Variants in TEX10 observed in about 807,000 individuals in gnomAD.
The protein encoded by TEX10 is testis-expressed protein 10.
TEX10 carries 24 observed loss-of-function variants against 104.4 expected under a neutral mutation model. That is an observed-to-expected ratio of 0.23 (90% confidence interval 0.17 to 0.32). The LOEUF (loss-of-function observed/expected upper bound fraction) is 0.32, where lower values mean the gene tolerates loss of function less well. Ranked by LOEUF, TEX10 falls within the 10% of genes least tolerant of loss-of-function variation. The pLI is 1.00. For synonymous variants in TEX10, 396 were observed against 393.4 expected (o/e 1.01, Z -0.08); for missense variants, 921 against 1,083.9 (o/e 0.85, Z 2.11).
At chr9:100,342,127 G>T (rs1291928816) in intron 4 of TEX10, among the ~76,000 whole-genome samples, 1 of 152,174 alleles carries the variant, frequency 6.6e-6, no homozygotes, top group African/African-American at 2.4e-5. Context: ...CAAAGCCATT[G>T]TACTTGCTGT....
intron 13 of TEX10, among the ~76,000 whole-genome samples, chr9:100,308,223 G>A (rs1834187484): frequency 1.7e-5 from 2 of 116,004 alleles, no homozygotes; most frequent in Admixed American, 9.8e-5. Context: ...TTATAGCAAT[G>A]TTAATAAAAG....
At chr9:100,303,441 C>A (rs34784581) in intron 14 of TEX10, among the ~76,000 whole-genome samples, 191 bp downstream of exon 14, 58,585 of 145,476 alleles carry the variant, frequency 0.4, 13,646 homozygotes, top group East Asian at 0.89. Flanking sequence ...CAGACACACC[C>A]CCCCCCCCAT....
intron 8 of TEX10, among the ~76,000 whole-genome samples, chr9:100,327,168 G>A (rs1834726981): frequency 6.6e-6 from 1 of 152,062 alleles, no homozygotes; most frequent in Admixed American, 6.6e-5. Flanking sequence ...TCCAGGGGCT[G>A]GGGGAAGAAA....
Position 100,330,024 on chromosome 9 carries a change from C to G in TEX10, c.1396G>C (p.Glu466Gln), listed in dbSNP as rs1462885915. Reference sequence around the variant, plus strand: ...AGCCTAGAGCCATCTTCAAGGGTCTCTGTTACAAATTTCCTTATCATTTCT... The same window carrying G: ...AGCCTAGAGCCATCTTCAAGGGTCTGTGTTACAAATTTCCTTATCATTTCT... Reference protein sequence around the residue: ...WIEMIRKFVTETLEDGSRLNS... With the variant: ...WIEMIRKFVTQTLEDGSRLNS... The change falls in exon 6 of 15, where the codon GAG (glutamate) becomes CAG (glutamine). Residue 466 changes from glutamate (E) to glutamine (Q), a missense_variant. Transcript: ENST00000374902. The G allele has an allele frequency of 3.1e-6, 5 of 1,614,128 alleles. No individual in the cohort carries two copies. Among genetic ancestry groups the G allele is most frequent in the Middle Eastern group, 1.6e-4 (1 of 6,062 alleles).
chr9:100,339,245 C>CAAAAA (rs1182764934), intron 5 of TEX10, among the ~76,000 whole-genome samples: 3 of 29,412 alleles, frequency 1.0e-4, no homozygotes, highest in African/African-American at 3.7e-4. Context: ...GACTCCATCT[C>CAAAAA]AAAAAAAAAA....
rs1343027310 is a variant in TEX10 at position 100,346,076 on chromosome 9, T to C, written c.1133A>G (p.Lys378Arg). Reference protein sequence around the residue: ...KLSKQQDETHKLESWLRKNYL... With the variant: ...KLSKQQDETHRLESWLRKNYL... Reference sequence around the variant, plus strand: ...TAAAGAACCATTAGTTCTCACCAATTTATGGGTTTCATCCTGTTGTTTAGA... The same window carrying C: ...TAAAGAACCATTAGTTCTCACCAATCTATGGGTTTCATCCTGTTGTTTAGA... Residue 378 changes from lysine (K) to arginine (R), a missense_variant, in exon 4 of 15, where the codon AAA (lysine) becomes AGA (arginine). Around this residue, in one of 3 missense-constraint regions of TEX10, gnomAD observed 753 missense variants for 868.4 expected, o/e 0.87. Coordinates refer to ENST00000374902, the MANE Select transcript of TEX10 (RefSeq NM_017746.4). 6 of 1,610,222 alleles carry C rather than the reference T, an allele frequency of 3.7e-6. No homozygotes were observed. In the Admixed American group the frequency reaches 1.0e-4, roughly 27 times the overall value.
intron 5 of TEX10, among the ~76,000 whole-genome samples, chr9:100,335,993 C>T (rs1012385046): frequency 2.0e-5 from 3 of 151,662 alleles, no homozygotes; most frequent in South Asian, 2.1e-4. Context: ...CATGGTGAAA[C>T]CCCGTCTCTA....
chr9:100,340,211 G>C (rs200405630), intron 5 of TEX10, 46 bp downstream of exon 5: 1 of 1,200,960 alleles, frequency 8.3e-7, no homozygotes, highest in East Asian at 2.8e-5. Context: ...ATAATTTCAG[G>C]TTAAACAGCT....
chr9:100,312,776 C>A (rs1834312037), intron 11 of TEX10, among the ~76,000 whole-genome samples: 1 of 152,102 alleles, frequency 6.6e-6, no homozygotes, highest in South Asian at 2.1e-4. Context: ...ACCATACAGA[C>A]CCTGAGAGAT....
At chr9:100,348,985 C>T (rs1288971009) in intron 2 of TEX10, among the ~76,000 whole-genome samples, 199 bp downstream of exon 2, 4 of 152,032 alleles carry the variant, frequency 2.6e-5, no homozygotes, top group Non-Finnish European at 1.5e-5. Context: ...TTTAGTTTAG[C>T]GAACGTTTCT....
At chr9:100,316,295 A>C (rs748334820) in intron 11 of TEX10, among the ~76,000 whole-genome samples, 36 of 152,200 alleles carry the variant, frequency 2.4e-4, no homozygotes, top group Non-Finnish European at 4.3e-4. Context: ...TTCAAAAGAC[A>C]CAAAAAATGC....
intron 11 of TEX10, among the ~76,000 whole-genome samples, chr9:100,312,500 T>G (rs1005204971): frequency 1.3e-5 from 2 of 152,208 alleles, no homozygotes; most frequent in African/African-American, 4.8e-5. Context: ...CTCTGTGGTG[T>G]TGAATGACTA....
At chr9:100,348,308 G>T (rs1167714999) in intron 2 of TEX10, among the ~76,000 whole-genome samples, 1 of 152,194 alleles carries the variant, frequency 6.6e-6, no homozygotes, top group Non-Finnish European at 1.5e-5. Context: ...TTTTCTTCTT[G>T]GAGTGATAAA....
chr9:100,334,449 G>A lies in TEX10; in HGVS notation c.1251-4280C>T, dbSNP rs910688269. Among the ~76,000 whole-genome samples the A allele has an allele frequency of 2.6e-5, 4 of 152,038 alleles. No individual in the cohort carries two copies. The South Asian group carries it at 8.3e-4, about 32-fold the overall frequency. On this transcript the variant is annotated intron_variant, in intron 5 of 14. Transcript: ENST00000374902. The stretch of plus-strand genomic sequence containing the variant: ...TGCGAGAGAAATACATTTTTATGGG[G>A]GGAGAAAAAAACGAACTAAAGAAGA...
chr9:100,304,915 T>C (rs532934232), intron 13 of TEX10: 3 of 152,108 alleles, frequency 2.0e-5, no homozygotes, highest in South Asian at 2.1e-4. Flanking sequence ...TCAAAAGCAA[T>C]TGCAAAAACA....
chr9:100,313,859 A>T (rs1390451880), intron 11 of TEX10, among the ~76,000 whole-genome samples: 1 of 151,970 alleles, frequency 6.6e-6, no homozygotes, highest in Non-Finnish European at 1.5e-5. Flanking sequence ...AAAAAAAAAA[A>T]AAAGAGACAC....
At chr9:100,349,738 T>A (rs1835396150) in intron 1 of TEX10, among the ~76,000 whole-genome samples, 1 of 152,150 alleles carries the variant, frequency 6.6e-6, no homozygotes, top group Admixed American at 6.5e-5. Context: ...TCTGCTGGTG[T>A]GCTCCTGGGC....
rs1198849440 is a variant in TEX10, at chr9:100,320,414, A to G, written c.2069-16T>C. The G allele has an allele frequency of 6.4e-7, 1 of 1,574,062 alleles. No individual in the cohort carries two copies. The highest frequency in any genetic ancestry group is 8.6e-7 in the Non-Finnish European group (1 of 1,164,054). The stretch of plus-strand genomic sequence containing the variant: ...TTCGAAAACCCTAATTCAGGTAACA[A>G]AGAAAGCCAATTTAAAAAAACAAAA... On this transcript the variant is annotated splice_polypyrimidine_tract_variant and intron_variant, in intron 10 of 14. Coordinates refer to ENST00000374902, the MANE Select transcript of TEX10 (RefSeq NM_017746.4).
At chr9:100,332,804 G>C (rs946706038) in intron 5 of TEX10, among the ~76,000 whole-genome samples, 3 of 150,498 alleles carry the variant, frequency 2.0e-5, no homozygotes, top group Admixed American at 2.0e-4. Context: ...CTGGGTGACA[G>C]AGCGAAACTC....
Sources: gnomAD v4.1 joint callset for allele counts (sites outside exome capture counted in the v4.1 genomes callset) on GRCh38, gnomAD v4.1.1 for gene constraint, gnomAD v4.1.1 regional missense constraint, MANE v1.5 for transcripts, NCBI Gene and HGNC (gene_info 2026-07-23, HGNC 2026-07-21) for gene names.